TMEM132D: variants seen among roughly 807,000 people sequenced by gnomAD.
TMEM132D encodes transmembrane protein 132D.
A neutral mutation model predicts 62.3 loss-of-function variants in TMEM132D; 21 were observed. The ratio of observed to expected loss-of-function variants is 0.34; its 90% CI spans 0.24 to 0.49. The LOEUF (loss-of-function observed/expected upper bound fraction) is 0.49, where lower values mean the gene tolerates loss of function less well. TMEM132D is among the 20% of genes least tolerant of loss of function. TMEM132D has a pLI of 0.99. For synonymous variants in TMEM132D, 621 were observed against 575.6 expected (o/e 1.08, Z -1.13); for missense variants, 1,346 against 1,402.8 (o/e 0.96, Z 0.65).
At chr12:129,505,296 G>A (rs1875295262) in intron 3 of TMEM132D, among the ~76,000 whole-genome samples, 1 of 151,460 alleles carries the variant, frequency 6.6e-6, no homozygotes, top group Non-Finnish European at 1.5e-5. Context: ...AGGCTGGAGT[G>A]CAGTGGCGCA....
At chr12:129,794,088 C>A (rs199900547) in intron 1 of TMEM132D, among the ~76,000 whole-genome samples, 1 of 128,274 alleles carries the variant, frequency 7.8e-6, no homozygotes, top group Non-Finnish European at 1.7e-5. Context: ...TTTTTTTTTT[C>A]TTTTTTTTAA....
chr12:129,244,055 G>T (rs1190690101), intron 4 of TMEM132D, among the ~76,000 whole-genome samples: 1 of 152,112 alleles, frequency 6.6e-6, no homozygotes, highest in Non-Finnish European at 1.5e-5. Flanking sequence ...CCAAGGACTG[G>T]AGCAACAGTG....
chr12:129,145,517 C>A (rs764068116), intron 5 of TMEM132D, among the ~76,000 whole-genome samples: 1 of 152,068 alleles, frequency 6.6e-6, no homozygotes, highest in Non-Finnish European at 1.5e-5. Flanking sequence ...GTATGGCATC[C>A]GTGATCGCAA....
intron 3 of TMEM132D, among the ~76,000 whole-genome samples, chr12:129,498,573 A>G (rs1048316235): frequency 6.6e-6 from 1 of 152,196 alleles, no homozygotes; most frequent in Non-Finnish European, 1.5e-5. Flanking sequence ...AAACAATGCT[A>G]ACTGTAATTT....
In TMEM132D at chr12:129,700,218, C is replaced by A. The variant is rs2137226466; in HGVS notation, c.560G>T (p.Gly187Val). ...CTCGGCCACGCACAGCCCCAGGTCCCCCTGCAGCCGGCAGCTGCCCCGCAC... is the reference window on the plus strand; with the variant it reads ...CTCGGCCACGCACAGCCCCAGGTCCACCTGCAGCCGGCAGCTGCCCCGCAC... ...REVRGSCRLQGDLGLCVAELE... is the reference protein window; with the variant it reads ...REVRGSCRLQVDLGLCVAELE... The change falls in exon 2 of 9, where the codon GGG (glycine) becomes GTG (valine). Residue 187 changes from glycine to valine, a missense_variant. Coordinates refer to ENST00000422113, the MANE Select transcript of TMEM132D (RefSeq NM_133448.3). 6.2e-7 allele frequency: 1 copy of A among 1,612,902 alleles called. No individual in the cohort carries two copies.
intron 1 of TMEM132D, among the ~76,000 whole-genome samples, chr12:129,797,809 T>G (rs897198226): frequency 6.6e-6 from 1 of 152,222 alleles, no homozygotes; most frequent in East Asian, 1.9e-4. Flanking sequence ...AGTGAACACT[T>G]AGTGTGTAAA....
intron 1 of TMEM132D, among the ~76,000 whole-genome samples, chr12:129,819,454 G>C (rs10847956): frequency 0.65 from 98,532 of 151,550 alleles, 32,900 homozygotes; most frequent in Non-Finnish European, 0.74. Context: ...GTGCAAGCAA[G>C]CCCCCAGTTC....
chr12:129,738,835 G>C (rs539060182), intron 1 of TMEM132D, among the ~76,000 whole-genome samples: 2 of 152,096 alleles, frequency 1.3e-5, no homozygotes, highest in Non-Finnish European at 2.9e-5. Context: ...TTCATTCTGC[G>C]AGATAACTTT....
chr12:129,458,043 G>A (rs1873535859), intron 3 of TMEM132D, among the ~76,000 whole-genome samples: 1 of 152,132 alleles, frequency 6.6e-6, no homozygotes, highest in Non-Finnish European at 1.5e-5. Flanking sequence ...CAGGCCTCCA[G>A]CTCTGATGAG....
In TMEM132D at chr12:129,277,246, T is replaced by C. The variant is rs1881028143; in HGVS notation, c.1299+60388A>G. On this transcript the variant is annotated intron_variant, in intron 4 of 8. Coordinates refer to ENST00000422113, the MANE Select transcript of TMEM132D (RefSeq NM_133448.3). The surrounding 1 kb of genome is among the most constrained non-coding windows in gnomAD (Gnocchi z 4.2). ...CTAAAGATATTTGTGCTTGTGTGTC[T>C]GAGTCTCTTTAGAAGAAGAGATGTA... Among the ~76,000 whole-genome samples, 1 of 152,224 alleles carries C rather than the reference T, an allele frequency of 6.6e-6. No individual in the cohort carries two copies. The highest frequency in any genetic ancestry group is 1.5e-5 in the Non-Finnish European group (1 of 68,030).
intron 2 of TMEM132D, among the ~76,000 whole-genome samples, chr12:129,654,807 T>A (rs963929461): frequency 2.0e-5 from 3 of 152,088 alleles, no homozygotes; most frequent in Admixed American, 1.3e-4. Context: ...CCTAGAAAAA[T>A]TGTGTATATC....
At chr12:129,276,647 A>T (rs7308988) in intron 4 of TMEM132D, among the ~76,000 whole-genome samples, 38,208 of 152,112 alleles carry the variant, frequency 0.25, 5,106 homozygotes, top group Non-Finnish European at 0.3. Context: ...TCAGCACCAG[A>T]CAAAGAGGAA....
intron 5 of TMEM132D, among the ~76,000 whole-genome samples, chr12:129,165,800 G>A (rs967926540): frequency 1.3e-5 from 2 of 152,056 alleles, no homozygotes; most frequent in Non-Finnish European, 2.9e-5. Context: ...GACTCCTTCT[G>A]GCTAGACTTT....
intron 2 of TMEM132D, among the ~76,000 whole-genome samples, chr12:129,581,091 T>C (rs1877845899): frequency 6.6e-6 from 1 of 152,324 alleles, no homozygotes; most frequent in East Asian, 1.9e-4. Context: ...ATCCTTGCAG[T>C]ATTGAGTGAG....
intron 1 of TMEM132D, among the ~76,000 whole-genome samples, chr12:129,723,533 C>T (rs529696355): frequency 6.6e-6 from 1 of 152,200 alleles, no homozygotes; most frequent in Non-Finnish European, 1.5e-5. Flanking sequence ...TTTCTCTCCC[C>T]TCCTGAGGTT....
intron 2 of TMEM132D, among the ~76,000 whole-genome samples, chr12:129,667,106 C>T (rs761655775): frequency 1.4e-4 from 22 of 152,028 alleles, no homozygotes; most frequent in Admixed American, 4.6e-4. Context: ...GATGTGGGGC[C>T]GGAATCTGGG....
intron 4 of TMEM132D, among the ~76,000 whole-genome samples, chr12:129,222,145 C>T (rs114711906): frequency 3.3e-4 from 50 of 152,238 alleles, no homozygotes; most frequent in African/African-American, 1.1e-3. Flanking sequence ...AATTCTTCTA[C>T]CTTTGGGGAG....
intron 3 of TMEM132D, among the ~76,000 whole-genome samples, chr12:129,377,133 A>G (rs141647293): frequency 2.0e-5 from 3 of 152,194 alleles, no homozygotes; most frequent in Admixed American, 1.3e-4. Context: ...GTGACTGGTG[A>G]CCTTAAAAGA....
intron 3 of TMEM132D, among the ~76,000 whole-genome samples, chr12:129,427,521 C>G (rs1234705732): frequency 1.3e-5 from 2 of 151,028 alleles, no homozygotes; most frequent in African/African-American, 4.9e-5. Flanking sequence ...CTAACCTGCA[C>G]GTTGTGCACA....
Sources: gnomAD v4.1 joint callset for allele counts (sites outside exome capture counted in the v4.1 genomes callset) on GRCh38, gnomAD v4.1.1 for gene constraint, Gnocchi (gnomAD v3.1) non-coding constraint, MANE v1.5 for transcripts, NCBI Gene and HGNC (gene_info 2026-07-23, HGNC 2026-07-21) for gene names.